Variants in MARCHF8 observed in about 807,000 individuals in gnomAD.
The protein encoded by MARCHF8 is E3 ubiquitin-protein ligase MARCHF8.
MARCHF8 carries 40 observed loss-of-function variants against 51.6 expected under a neutral mutation model. The observed-to-expected ratio is 0.77, with a 90% confidence interval of 0.60 to 1.01. MARCHF8 has a LOEUF of 1.01. MARCHF8 is among the 50% of genes least tolerant of loss of function. The probability of loss-of-function intolerance (pLI) is 0.00; values close to 1 mark genes in which losing one functional copy is unlikely to be tolerated. For synonymous variants in MARCHF8, 263 were observed against 280.3 expected (o/e 0.94, Z 0.62); for missense variants, 685 against 708.6 (o/e 0.97, Z 0.38).
chr10:45,507,644 T>A (rs2043410752), intron 2 of MARCHF8, among the ~76,000 whole-genome samples: 1 of 152,114 alleles, frequency 6.6e-6, no homozygotes, highest in Non-Finnish European at 1.5e-5. Context: ...CAAACCCCTC[T>A]CAGAAGACCC....
At chr10:45,506,939 A>C (rs1564491194) in intron 2 of MARCHF8, among the ~76,000 whole-genome samples, 1 of 152,220 alleles carries the variant, frequency 6.6e-6, no homozygotes, top group Non-Finnish European at 1.5e-5. Flanking sequence ...TGCTACAAAG[A>C]GGCTATGTCT....
upstream of MARCHF8, among the ~76,000 whole-genome samples, chr10:45,538,174 A>G (rs2044000618): frequency 6.6e-6 from 1 of 152,242 alleles, no homozygotes. Flanking sequence ...AACATTCTTA[A>G]AGAAAAGAAT....
chr10:45,493,955 T>G (rs553380399), intron 2 of MARCHF8, among the ~76,000 whole-genome samples: 2 of 152,288 alleles, frequency 1.3e-5, no homozygotes, highest in South Asian at 4.1e-4. Flanking sequence ...AATTTATGAC[T>G]CATGTTTTAA....
chr10:45,500,540 A>G (rs2043260106), intron 2 of MARCHF8, among the ~76,000 whole-genome samples: 2 of 152,062 alleles, frequency 1.3e-5, no homozygotes, highest in African/African-American at 4.8e-5. Context: ...ACTTTCGCCA[A>G]TGACTATAAT....
chr10:45,589,683 C>T (rs2133444980), intron 1 of MARCHF8, among the ~76,000 whole-genome samples: 1 of 152,208 alleles, frequency 6.6e-6, no homozygotes, highest in Non-Finnish European at 1.5e-5. Context: ...CCTTTTGTGA[C>T]TGTTTCTTTT....
intron 1 of MARCHF8, among the ~76,000 whole-genome samples, chr10:45,563,814 C>T (rs1371573084): frequency 6.6e-6 from 1 of 152,016 alleles, no homozygotes; most frequent in African/African-American, 2.4e-5. Context: ...CAATGAATAG[C>T]ACAAAAAGTT....
chr10:45,512,598 G>A (rs887877528), intron 2 of MARCHF8, among the ~76,000 whole-genome samples: 2 of 150,112 alleles, frequency 1.3e-5, no homozygotes, highest in African/African-American at 4.9e-5. Context: ...CCGGGAGGGA[G>A]GTGGGGGGGT....
intron 3 of MARCHF8, among the ~76,000 whole-genome samples, chr10:45,473,447 TG>T (rs2132997629): frequency 6.6e-6 from 1 of 152,356 alleles, no homozygotes; most frequent in Admixed American, 6.5e-5. Flanking sequence ...GCCTTCTCCC[TG>T]GGGTAAGTGC....
chr10:45,490,057 C>G (rs1347385487), intron 2 of MARCHF8, among the ~76,000 whole-genome samples: 3 of 152,208 alleles, frequency 2.0e-5, no homozygotes, highest in Non-Finnish European at 2.9e-5. Context: ...TCAATCACAA[C>G]TCATTTTCAT....
At chr10:45,497,198 G>A (rs920305225) in intron 2 of MARCHF8, among the ~76,000 whole-genome samples, 3 of 152,008 alleles carry the variant, frequency 2.0e-5, no homozygotes, top group Non-Finnish European at 4.4e-5. Context: ...AAAGACTTAG[G>A]AAAATTTTAC....
chr10:45,470,505 T>A (rs1176620291), intron 3 of MARCHF8, among the ~76,000 whole-genome samples: 1 of 152,200 alleles, frequency 6.6e-6, no homozygotes, highest in Non-Finnish European at 1.5e-5. Flanking sequence ...GGCCTGTATT[T>A]ATAACCCCAA....
At chr10:45,473,674 T>C (rs919477484) in intron 3 of MARCHF8, among the ~76,000 whole-genome samples, 1 of 152,168 alleles carries the variant, frequency 6.6e-6, no homozygotes, top group Non-Finnish European at 1.5e-5. Context: ...ATTAAAGAAA[T>C]TCCAGCTGAA....
chr10:45,471,398 T>A (rs1385279397), intron 3 of MARCHF8, among the ~76,000 whole-genome samples: 1 of 152,198 alleles, frequency 6.6e-6, no homozygotes, highest in Non-Finnish European at 1.5e-5. Context: ...ATAAATTACA[T>A]TGAAGACAAT....
chr10:45,518,728 G>A (rs1035453819), intron 2 of MARCHF8, among the ~76,000 whole-genome samples: 2 of 152,194 alleles, frequency 1.3e-5, no homozygotes, highest in African/African-American at 4.8e-5. Context: ...CATTATCTCT[G>A]TAATGCCAAT....
rs1194828883 is a variant in MARCHF8, at chr10:45,535,296, TA to T, written c.-165del. ...TCACTAATGCACTAACGTCCTCTAT[TA>T]CAGATGACAAACTCCATGGGGCCTC... On this transcript the variant is annotated 5_prime_UTR_variant, in exon 1 of 8. An upstream open reading frame in the 5' UTR gains an earlier in-frame stop. Coordinates refer to ENST00000453424, the MANE Select transcript of MARCHF8 (RefSeq NM_001282866.2). 2.0e-5 allele frequency: 3 copies of T among 152,240 alleles called. No homozygotes were observed. The highest frequency in any genetic ancestry group is 4.4e-5 in the Non-Finnish European group (3 of 68,052). 9.4% of individuals were successfully genotyped at this position (152,240 alleles called of 1,614,324 possible). A position where few individuals can be genotyped will look rare whatever the true frequency, so the allele number is the denominator to read the frequency against.
chr10:45,526,474 A>G (rs2043795903), intron 2 of MARCHF8, among the ~76,000 whole-genome samples: 1 of 152,184 alleles, frequency 6.6e-6, no homozygotes, highest in African/African-American at 2.4e-5. Context: ...GCATTGCTCA[A>G]ACTCACATGG....
intron 3 of MARCHF8, among the ~76,000 whole-genome samples, chr10:45,465,828 A>AT (rs1842947325): frequency 6.6e-6 from 1 of 152,248 alleles, no homozygotes; most frequent in African/African-American, 2.4e-5. Context: ...CTGAATGTGC[A>AT]TATGGGCATG....
At chr10:45,575,827 A>G (rs1207358175) in intron 1 of MARCHF8, among the ~76,000 whole-genome samples, 1 of 152,082 alleles carries the variant, frequency 6.6e-6, no homozygotes, top group Non-Finnish European at 1.5e-5. Context: ...GCCTTAACTG[A>G]TGACATTACC....
chr10:45,510,416 G>A (rs1324514993), intron 2 of MARCHF8, among the ~76,000 whole-genome samples: 4 of 151,876 alleles, frequency 2.6e-5, no homozygotes, highest in Non-Finnish European at 5.9e-5. Context: ...TCGTCTTAAG[G>A]AATAACAAAA....
Sources: gnomAD v4.1 joint callset for allele counts (sites outside exome capture counted in the v4.1 genomes callset) on GRCh38, gnomAD v4.1.1 for gene constraint, MANE v1.5 for transcripts, NCBI Gene and HGNC (gene_info 2026-07-23, HGNC 2026-07-21) for gene names.